The following FILIP1L variants were observed in gnomAD, a reference collection of about 807,000 sequenced individuals.
FILIP1L encodes the protein filamin A-interacting protein 1-like.
In FILIP1L, 55 loss-of-function variants were observed where a neutral mutation model predicts 96.6. The ratio of observed to expected loss-of-function variants is 0.57; its 90% CI spans 0.46 to 0.71. The LOEUF is 0.71. FILIP1L is among the 30% of genes least tolerant of loss of function. The pLI is 0.00. For synonymous variants in FILIP1L, 467 were observed against 473.9 expected, an observed-to-expected ratio of 0.99 and a Z score of 0.19; for missense variants, 1,304 against 1,321.2, an observed-to-expected ratio of 0.99 and a Z score of 0.20.
At chr3:99,961,283 G>T (rs1391245591) in intron 1 of FILIP1L, among the ~76,000 whole-genome samples, 2 of 152,092 alleles carry the variant, frequency 1.3e-5, no homozygotes, top group Non-Finnish European at 2.9e-5. Context: ...TTGTGGGTTG[G>T]ATTATTTTGT....
intron 1 of FILIP1L, among the ~76,000 whole-genome samples, chr3:100,070,244 G>A (rs1196831711): frequency 2.0e-5 from 3 of 152,172 alleles, no homozygotes; most frequent in East Asian, 1.9e-4. Context: ...GTTAGATTTT[G>A]TGGGGAGGTC....
intron 4 of FILIP1L, among the ~76,000 whole-genome samples, chr3:99,893,267 G>A (rs918207446): frequency 3.4e-5 from 5 of 148,618 alleles, no homozygotes; most frequent in African/African-American, 1.2e-4. Flanking sequence ...CCGGGTTCAC[G>A]CCATTCTCCT....
chr3:99,909,731 G>T (rs1416212099), intron 4 of FILIP1L, among the ~76,000 whole-genome samples: 1 of 152,112 alleles, frequency 6.6e-6, no homozygotes, highest in Non-Finnish European at 1.5e-5. Context: ...ATAACTTAAA[G>T]TTGCTATCAG....
At position 99,830,446 on chromosome 3, in the gene FILIP1L, T is replaced by G. The variant is rs896309353; in HGVS notation, c.3541A>C (p.Asn1181His). 9.9e-5 allele frequency: 45 copies of G among 455,044 alleles called. No individual in the cohort carries two copies. Among genetic ancestry groups the G allele is most frequent in the Non-Finnish European group, 1.6e-4 (37 of 225,750 alleles). 28.2% of individuals were successfully genotyped at this position (455,044 alleles called of 1,614,324 possible). A position where few individuals can be genotyped will look rare whatever the true frequency, so the allele number is the denominator to read the frequency against. ...KLHIVRTVTS[N>H]TFLHVGGRR ...CTCCCTCCCACGTGGAGGAAGGTGT[T>G]GGAGGTGACAGTTCTCACGATGTGT... is the stretch of plus-strand genomic sequence containing the variant. Residue 1181 changes from asparagine to histidine, a missense_variant, in exon 6 of 6, where the codon AAC becomes CAC. Transcript: ENST00000477258.
intron 1 of FILIP1L, among the ~76,000 whole-genome samples, chr3:100,061,252 C>T (rs2065560648): frequency 6.6e-6 from 1 of 152,188 alleles, no homozygotes; most frequent in South Asian, 2.1e-4. Flanking sequence ...TCTGTACACA[C>T]TGAGTATGTT....
Position 99,849,775 on chromosome 3 carries a change from C to G in FILIP1L, c.1901G>C (p.Arg634Thr), listed in dbSNP as rs1279025395. The G allele has an allele frequency of 4.3e-6, 7 of 1,613,468 alleles. No homozygotes were observed. Among genetic ancestry groups the G allele is most frequent in the East Asian group, 2.2e-5 (1 of 44,874 alleles). ...KIKELSQEVERLKLKLKDMKA... is the reference protein window; with the variant it reads ...KIKELSQEVETLKLKLKDMKA... ...CATGTCCTTTAGCTTCAGTTTCAGT[C>G]TTTCCACTTCTTGAGAGAGCTCCTT... Residue 634 changes from arginine (R) to threonine (T), a missense_variant, in exon 5 of 6, where the codon AGA becomes ACA. Coordinates refer to ENST00000477258, the MANE Select transcript of FILIP1L (RefSeq NM_001387850.1).
intron 1 of FILIP1L, among the ~76,000 whole-genome samples, chr3:99,971,064 G>A (rs183543772): frequency 1.6e-4 from 24 of 152,286 alleles, no homozygotes; most frequent in Admixed American, 8.5e-4. Context: ...GGGGCTGGGC[G>A]TGGTGGCTCA....
intron 1 of FILIP1L, among the ~76,000 whole-genome samples, chr3:99,960,937 T>C (rs1250299445): frequency 1.3e-5 from 2 of 152,210 alleles, no homozygotes; most frequent in African/African-American, 4.8e-5. Context: ...GAGTCTATTT[T>C]TAAAAGTAAC....
At chr3:100,096,435 GATA>G (rs2066209624) in intron 1 of FILIP1L, among the ~76,000 whole-genome samples, 1 of 152,164 alleles carries the variant, frequency 6.6e-6, no homozygotes, top group Non-Finnish European at 1.5e-5. Context: ...AGCCATAAAA[GATA>G]ATGAGATCCT....
intron 1 of FILIP1L, among the ~76,000 whole-genome samples, chr3:99,972,332 A>C (rs1044015385): frequency 6.6e-6 from 1 of 152,196 alleles, no homozygotes; most frequent in African/African-American, 2.4e-5. Context: ...GCATGTGGAA[A>C]ACTAATGCCA....
At chr3:99,893,560 T>G (rs1706159328) in intron 4 of FILIP1L, among the ~76,000 whole-genome samples, 1 of 152,186 alleles carries the variant, frequency 6.6e-6, no homozygotes, top group Non-Finnish European at 1.5e-5. Context: ...AAGACTAGAT[T>G]TTGGTTTTTT....
intron 1 of FILIP1L, among the ~76,000 whole-genome samples, chr3:99,983,448 A>ATG (rs1283455729): frequency 6.1e-4 from 5 of 8,244 alleles, no homozygotes; most frequent in African/African-American, 2.5e-3. Context: ...ATATGTATGT[A>ATG]TATATATATA....
At chr3:99,860,260 T>C (rs941157706) in intron 4 of FILIP1L, among the ~76,000 whole-genome samples, 15 of 152,202 alleles carry the variant, frequency 9.9e-5, no homozygotes, top group African/African-American at 3.1e-4. Flanking sequence ...AAAAATGGTA[T>C]ACTGTTAGTC....
intron 1 of FILIP1L, among the ~76,000 whole-genome samples, chr3:100,035,234 G>A (rs750300921): frequency 6.6e-6 from 1 of 152,068 alleles, no homozygotes; most frequent in Non-Finnish European, 1.5e-5. Context: ...ATTCATAAAT[G>A]AATGTCCATG....
intron 4 of FILIP1L, among the ~76,000 whole-genome samples, chr3:99,921,947 C>T (rs910580089): frequency 6.6e-6 from 1 of 152,170 alleles, no homozygotes; most frequent in African/African-American, 2.4e-5. Flanking sequence ...CCATCTGCCT[C>T]CCAACATTCC....
At chr3:100,078,939 A>C (rs2065892264) in intron 1 of FILIP1L, among the ~76,000 whole-genome samples, 1 of 152,082 alleles carries the variant, frequency 6.6e-6, no homozygotes, top group Non-Finnish European at 1.5e-5. Flanking sequence ...TATTTTAAGA[A>C]AGTTCACTAA....
At chr3:99,862,856 C>G (rs1040702178) in intron 4 of FILIP1L, among the ~76,000 whole-genome samples, 1 of 152,206 alleles carries the variant, frequency 6.6e-6, no homozygotes, top group African/African-American at 2.4e-5. Context: ...AGCTCTTCTC[C>G]CTTCCTGGAA....
At chr3:100,109,564 T>G (rs1171202621) in intron 1 of FILIP1L, among the ~76,000 whole-genome samples, 2 of 152,176 alleles carry the variant, frequency 1.3e-5, no homozygotes, top group Non-Finnish European at 2.9e-5. Context: ...CACAATGTTG[T>G]ATAAATGAAC....
intron 1 of FILIP1L, chr3:100,041,224 A>G (rs1480251323): frequency 6.6e-6 from 1 of 152,154 alleles, no homozygotes; most frequent in African/African-American, 2.4e-5. Flanking sequence ...GGAATCTACA[A>G]AATGGCCTAC....
Sources: allele counts gnomAD v4.1 joint callset (sites outside exome capture counted in the v4.1 genomes callset), GRCh38; gene constraint gnomAD v4.1.1; transcripts MANE v1.5; gene names NCBI Gene and HGNC (gene_info 2026-07-23, HGNC 2026-07-21).